CNTN5: variants seen among roughly 807,000 people sequenced by gnomAD.
The protein encoded by CNTN5 is contactin-5.
Under a neutral mutation model 129.1 loss-of-function variants are expected in CNTN5, and 77 were observed. That is an observed-to-expected ratio of 0.60 (90% CI 0.50 to 0.72). The LOEUF (loss-of-function observed/expected upper bound fraction) is 0.72, where lower values mean the gene tolerates loss of function less well. Ranked by LOEUF, CNTN5 falls within the 30% of genes least tolerant of loss-of-function variation. The pLI, the probability that CNTN5 is intolerant of heterozygous loss-of-function variation, is 0.00. For missense variants in CNTN5, 1,478 were observed against 1,328.8 expected (o/e 1.11, Z -1.75); for synonymous variants, 509 against 465.6 (o/e 1.09, Z -1.20).
intron 8 of CNTN5, among the ~76,000 whole-genome samples, chr11:99,960,769 G>A (rs1022694822): frequency 5.9e-5 from 9 of 152,064 alleles, no homozygotes; most frequent in African/African-American, 1.5e-4. Context: ...AAGAAATCAC[G>A]GGGAGAGAGT....
intron 2 of CNTN5, among the ~76,000 whole-genome samples, chr11:99,516,172 A>G (rs1947045247): frequency 6.6e-6 from 1 of 152,094 alleles, no homozygotes; most frequent in Admixed American, 6.6e-5. Context: ...TCATAAATAT[A>G]AGTCCAACCT....
intron 1 of CNTN5, among the ~76,000 whole-genome samples, chr11:99,235,315 T>A (rs1011040213): frequency 4.6e-5 from 7 of 152,054 alleles, no homozygotes; most frequent in African/African-American, 1.4e-4. Flanking sequence ...TATATAGCAA[T>A]CACACTTAAA....
chr11:100,226,574 G>A (rs1949380557), intron 16 of CNTN5, among the ~76,000 whole-genome samples: 1 of 152,068 alleles, frequency 6.6e-6, no homozygotes, highest in African/African-American at 2.4e-5. Context: ...TTTCAAACAG[G>A]TTGCTATTGT....
At chr11:100,187,438 A>C (rs936578843) in intron 13 of CNTN5, among the ~76,000 whole-genome samples, 1 of 152,028 alleles carries the variant, frequency 6.6e-6, no homozygotes, top group Admixed American at 6.6e-5. Context: ...AACTAGAAAA[A>C]CTTATTCTAA....
chr11:99,528,590 C>T (rs1424611863), intron 2 of CNTN5, among the ~76,000 whole-genome samples: 5 of 152,190 alleles, frequency 3.3e-5, no homozygotes, highest in East Asian at 3.8e-4. Flanking sequence ...CAAATGCACA[C>T]GTACAAATGG....
intron 8 of CNTN5, among the ~76,000 whole-genome samples, chr11:99,987,216 C>T (rs1938740213): frequency 6.6e-6 from 1 of 151,846 alleles, no homozygotes; most frequent in African/African-American, 2.4e-5. Flanking sequence ...AACTTTGTAC[C>T]AGGGACTGTG....
rs928701166 is a variant in CNTN5, at chr11:100,014,579, C to CA, written c.980+12452dup. On this transcript the variant is annotated intron_variant, in intron 9 of 24. Coordinates refer to ENST00000524871, the MANE Select transcript of CNTN5 (RefSeq NM_014361.4). Reference sequence around the variant, plus strand: ...CTGTCTAAAGAGTGAGACTCCGTCTCAAAAAAAAATAATAATAAATTAAAA... The same window carrying CA: ...CTGTCTAAAGAGTGAGACTCCGTCTCAAAAAAAAAATAATAATAAATTAAAA... Among the ~76,000 whole-genome samples, 25 of 149,582 alleles carry CA rather than the reference C, an allele frequency of 1.7e-4. No homozygotes were observed. In the South Asian group the frequency reaches 1.9e-3, roughly 11 times the overall value.
chr11:99,660,958 A>G (rs1952572635), intron 3 of CNTN5, among the ~76,000 whole-genome samples: 1 of 152,080 alleles, frequency 6.6e-6, no homozygotes. Flanking sequence ...CTTTACTAGC[A>G]TCTGGGAAAA....
At chr11:99,409,497 G>A (rs1942290976) in intron 2 of CNTN5, among the ~76,000 whole-genome samples, 1 of 152,084 alleles carries the variant, frequency 6.6e-6, no homozygotes, top group South Asian at 2.1e-4. Flanking sequence ...ATAAATAAAG[G>A]CACTGACAAA....
At chr11:100,294,602 G>A (rs1368347643) in intron 18 of CNTN5, among the ~76,000 whole-genome samples, 1 of 151,640 alleles carries the variant, frequency 6.6e-6, no homozygotes, top group Non-Finnish European at 1.5e-5. Context: ...TGAGGAAGAA[G>A]AGTCTAGCTG....
chr11:100,103,367 T>G (rs569683845), intron 13 of CNTN5, among the ~76,000 whole-genome samples: 1 of 152,250 alleles, frequency 6.6e-6, no homozygotes, highest in Admixed American at 6.5e-5. Context: ...ATTTCACGCG[T>G]GGGTACTTTC....
At chr11:100,236,184 G>T (rs6590679) in intron 16 of CNTN5, among the ~76,000 whole-genome samples, 1 of 151,952 alleles carries the variant, frequency 6.6e-6, no homozygotes, top group Admixed American at 6.5e-5. Context: ...AATAAACAAG[G>T]CTGTTTAAGA....
chr11:100,289,580 C>G (rs1400955398), intron 18 of CNTN5, among the ~76,000 whole-genome samples: 1 of 152,144 alleles, frequency 6.6e-6, no homozygotes, highest in Non-Finnish European at 1.5e-5. Flanking sequence ...TAAAAACTCT[C>G]AATAAATTAG....
At chr11:99,160,998 A>G (rs1272449249) in intron 1 of CNTN5, among the ~76,000 whole-genome samples, 1 of 152,192 alleles carries the variant, frequency 6.6e-6, no homozygotes, top group Non-Finnish European at 1.5e-5. Flanking sequence ...ATATATTGCA[A>G]TTAAAAACTT....
intron 6 of CNTN5, among the ~76,000 whole-genome samples, chr11:99,868,647 T>G (rs1948420296): frequency 6.6e-6 from 1 of 152,152 alleles, no homozygotes; most frequent in South Asian, 2.1e-4. Flanking sequence ...AGGAATATGC[T>G]GAAAGAGGCG....
At chr11:100,151,902 C>T (rs1281143285) in intron 13 of CNTN5, among the ~76,000 whole-genome samples, 1 of 152,138 alleles carries the variant, frequency 6.6e-6, no homozygotes, top group Non-Finnish European at 1.5e-5. Flanking sequence ...AGCCTCTTGG[C>T]AGGTGGGTTA....
chr11:99,433,371 A>ATGTGTG (rs1555143806), intron 2 of CNTN5, among the ~76,000 whole-genome samples: 14 of 140,828 alleles, frequency 9.9e-5, no homozygotes, highest in East Asian at 4.0e-4. Context: ...TAAAAAAAAA[A>ATGTGTG]TGTGTGTGTG....
At chr11:99,899,450 T>A (rs1291440979) in intron 6 of CNTN5, among the ~76,000 whole-genome samples, 1 of 152,056 alleles carries the variant, frequency 6.6e-6, no homozygotes, top group Non-Finnish European at 1.5e-5. Flanking sequence ...TTGGATTTTA[T>A]CCAGTACTGT....
chr11:99,889,046 C>T (rs1948976184), intron 6 of CNTN5, among the ~76,000 whole-genome samples: 1 of 152,066 alleles, frequency 6.6e-6, no homozygotes, highest in African/African-American at 2.4e-5. Flanking sequence ...TCATCATAAT[C>T]ATGATTAACT....
Sources: gnomAD v4.1 joint callset for allele counts (sites outside exome capture counted in the v4.1 genomes callset) on GRCh38, gnomAD v4.1.1 for gene constraint, MANE v1.5 for transcripts, NCBI Gene and HGNC (gene_info 2026-07-23, HGNC 2026-07-21) for gene names.